Variants in KCND2 observed in about 807,000 individuals in gnomAD.
KCND2 encodes A-type voltage-gated potassium channel KCND2.
KCND2 carries 16 observed loss-of-function variants against 54.4 expected under a neutral mutation model. The observed-to-expected ratio is 0.29, with a 90% confidence interval of 0.20 to 0.45. The LOEUF (loss-of-function observed/expected upper bound fraction) is 0.45, where lower values mean the gene tolerates loss of function less well. Among genes scored for constraint, KCND2 ranks in the 20% least tolerant of loss-of-function variants. The pLI, the probability that KCND2 is intolerant of heterozygous loss-of-function variation, is 1.00. For synonymous variants in KCND2, 317 were observed against 310.7 expected, an observed-to-expected ratio of 1.02 and a Z score of -0.21; for missense variants, 486 against 824.2, an observed-to-expected ratio of 0.59 and a Z score of 5.02.
intron 1 of KCND2, among the ~76,000 whole-genome samples, chr7:120,691,275 A>G (rs185916768): frequency 3.0e-4 from 46 of 152,332 alleles, no homozygotes; most frequent in African/African-American, 1.1e-3. Context: ...CTCTTTGGCT[A>G]CTAGGCTAAA....
At chr7:120,504,546 A>C (rs1475893518) in intron 1 of KCND2, among the ~76,000 whole-genome samples, 1 of 151,878 alleles carries the variant, frequency 6.6e-6, no homozygotes, top group African/African-American at 2.4e-5. Flanking sequence ...ATTATACATC[A>C]TAGTCTTTGT....
chr7:120,567,730 T>A (rs911454089), intron 1 of KCND2, among the ~76,000 whole-genome samples: 7 of 152,150 alleles, frequency 4.6e-5, no homozygotes, highest in Non-Finnish European at 7.4e-5. Flanking sequence ...TTGTATTTTT[T>A]TATTAAGATT....
At chr7:120,532,461 G>A (rs1398697164) in intron 1 of KCND2, among the ~76,000 whole-genome samples, 1 of 151,534 alleles carries the variant, frequency 6.6e-6, no homozygotes, top group Non-Finnish European at 1.5e-5. Flanking sequence ...ATAATACCCT[G>A]GGTCTAAAAT....
chr7:120,294,914 T>C (rs555466195), intron 1 of KCND2, among the ~76,000 whole-genome samples: 2 of 151,890 alleles, frequency 1.3e-5, no homozygotes, highest in East Asian at 3.9e-4. Context: ...GTATCTTTAA[T>C]TATCTTTTAC....
Position 120,747,768 on chromosome 7 carries a change from A to G in KCND2, c.1803A>G (p.Pro601=). Residue 601 remains proline, a synonymous_variant, in exon 6 of 6, where the codon CCA becomes CCG. Coordinates refer to ENST00000331113, the MANE Select transcript of KCND2 (RefSeq NM_012281.3). ...TGACTACAGCAATAATAAGCATCCCAACACCTCCAGTAACCACACCAGAAG... is the reference window on the plus strand; with the variant it reads ...TGACTACAGCAATAATAAGCATCCCGACACCTCCAGTAACCACACCAGAAG... ...PYVTTAIISI[P]TPPVTTPEGD... The G allele has an allele frequency of 6.2e-7, 1 of 1,612,406 alleles. No individual in the cohort carries two copies. Among genetic ancestry groups the G allele is most frequent in the Non-Finnish European group, 8.5e-7 (1 of 1,178,782 alleles).
intron 1 of KCND2, among the ~76,000 whole-genome samples, chr7:120,276,116 A>G (rs1047269518): frequency 6.6e-6 from 1 of 152,176 alleles, no homozygotes; most frequent in African/African-American, 2.4e-5. Context: ...TGAAATGTCT[A>G]TAAAGTGGTT....
At chr7:120,608,647 A>G (rs1193042967) in intron 1 of KCND2, among the ~76,000 whole-genome samples, 2 of 152,136 alleles carry the variant, frequency 1.3e-5, no homozygotes, top group South Asian at 2.1e-4. Flanking sequence ...GCTTCCCACA[A>G]TCATTTATTC....
At chr7:120,478,319 T>C (rs1802558845) in intron 1 of KCND2, among the ~76,000 whole-genome samples, 1 of 152,154 alleles carries the variant, frequency 6.6e-6, no homozygotes, top group Admixed American at 6.5e-5. Context: ...CGCCCATAAA[T>C]TTTCACTTAC....
chr7:120,377,924 G>A (rs1245294104), intron 1 of KCND2, among the ~76,000 whole-genome samples: 2 of 151,856 alleles, frequency 1.3e-5, no homozygotes, highest in East Asian at 1.9e-4. Flanking sequence ...GTATGCTCAT[G>A]TTGCATATGT....
rs74821252 is a variant in KCND2 at position 120,395,895 on chromosome 7, G to T, written c.1115+120148G>T. 5.5e-3 allele frequency among the ~76,000 whole-genome samples: 832 copies of T among 152,004 alleles called. 10 individuals are homozygous for T. The highest frequency in any genetic ancestry group is 0.019 in the African/African-American group (793 of 41,496). ...TTGACCAGATCCTGCTTTTATCAAG[G>T]TGTTGGTGACCAGAAAAAGACTCCT... On this transcript the variant is annotated intron_variant, in intron 1 of 5. Coordinates refer to ENST00000331113, the MANE Select transcript of KCND2 (RefSeq NM_012281.3).
intron 1 of KCND2, among the ~76,000 whole-genome samples, chr7:120,588,293 A>G (rs1584842214): frequency 6.6e-6 from 1 of 152,106 alleles, no homozygotes. Flanking sequence ...GTAATCCTAA[A>G]TTCCAGAATT....
At chr7:120,641,751 A>ATTTTTT (rs1156505247) in intron 1 of KCND2, among the ~76,000 whole-genome samples, 4 of 95,140 alleles carry the variant, frequency 4.2e-5, no homozygotes, top group African/African-American at 1.8e-4. Flanking sequence ...TTCCAAGCAT[A>ATTTTTT]TTCTTTTTTT....
intron 1 of KCND2, among the ~76,000 whole-genome samples, chr7:120,568,766 G>A (rs949858175): frequency 4.6e-5 from 7 of 152,084 alleles, no homozygotes; most frequent in African/African-American, 1.7e-4. Context: ...GTACTTCATA[G>A]GGTTGCTTTG....
chr7:120,727,868 G>A (rs1792753765), intron 1 of KCND2, among the ~76,000 whole-genome samples: 1 of 152,030 alleles, frequency 6.6e-6, no homozygotes, highest in Admixed American at 6.6e-5. Flanking sequence ...GGGCACGGTG[G>A]CTCACGCTTG....
chr7:120,461,771 C>T (rs937314110), intron 1 of KCND2, among the ~76,000 whole-genome samples: 1 of 151,968 alleles, frequency 6.6e-6, no homozygotes, highest in Non-Finnish European at 1.5e-5. Context: ...GATTTCTGTT[C>T]CCATTTAATT....
intron 1 of KCND2, among the ~76,000 whole-genome samples, chr7:120,543,044 A>G (rs1322815187): frequency 2.6e-5 from 4 of 152,100 alleles, no homozygotes; most frequent in Non-Finnish European, 5.9e-5. Flanking sequence ...TACAGTATTG[A>G]CATGTATTAT....
chr7:120,392,880 A>G (rs1281232806), intron 1 of KCND2, among the ~76,000 whole-genome samples: 2 of 151,988 alleles, frequency 1.3e-5, no homozygotes, highest in African/African-American at 2.4e-5. Context: ...ATTATCCCTA[A>G]ACTATCCACC....
intron 1 of KCND2, among the ~76,000 whole-genome samples, chr7:120,693,249 A>G (rs1209167543): frequency 2.6e-5 from 4 of 152,214 alleles, no homozygotes; most frequent in Non-Finnish European, 5.9e-5. Context: ...TTGAAAGGGA[A>G]AAAGGAAAAG....
intron 1 of KCND2, among the ~76,000 whole-genome samples, chr7:120,443,905 A>T (rs1801981999): frequency 6.6e-6 from 1 of 152,042 alleles, no homozygotes; most frequent in East Asian, 1.9e-4. Flanking sequence ...ACAACCAAAA[A>T]TGCTCCCATC....
Sources: allele counts gnomAD v4.1 joint callset (sites outside exome capture counted in the v4.1 genomes callset), GRCh38; gene constraint gnomAD v4.1.1; transcripts MANE v1.5; gene names NCBI Gene and HGNC (gene_info 2026-07-23, HGNC 2026-07-21).